The following BTBD1 variants were observed in gnomAD, a reference collection of about 807,000 sequenced individuals.
BTBD1 encodes the protein BTB domain containing 1.
BTBD1 carries 34 observed loss-of-function variants against 48.0 expected under a neutral mutation model. The observed-to-expected ratio is 0.71, with a 90% CI of 0.54 to 0.94. BTBD1 has a LOEUF of 0.94. Ranked by LOEUF, BTBD1 falls within the 40% of genes least tolerant of loss-of-function variation. The pLI is 0.00. For synonymous variants in BTBD1, 261 were observed against 242.1 expected (o/e 1.08, Z -0.72); for missense variants, 543 against 625.6 (o/e 0.87, Z 1.41).
chr15:83,051,766 T>C (rs2032986687), intron 2 of BTBD1, among the ~76,000 whole-genome samples: 1 of 151,986 alleles, frequency 6.6e-6, no homozygotes, highest in Non-Finnish European at 1.5e-5. Context: ...ATTTCAAATT[T>C]ATAGAAAAGT....
At chr15:83,033,854 AG>A (rs1262756970) in intron 4 of BTBD1, among the ~76,000 whole-genome samples, 2 of 152,162 alleles carry the variant, frequency 1.3e-5, no homozygotes, top group Admixed American at 6.5e-5. Context: ...CTGGGACTAA[AG>A]GCATGAGCCA....
chr15:83,065,186 G>T (rs2033243585), intron 1 of BTBD1, among the ~76,000 whole-genome samples: 1 of 152,174 alleles, frequency 6.6e-6, no homozygotes. Flanking sequence ...TATGCAATTT[G>T]CAATACTTGA....
In BTBD1 at chr15:83,026,015, C is replaced by T. The variant is rs527511528; in HGVS notation, c.1055+4121G>A. ...CGATCTCTTGACCTTGTGATCCGCCCGCCTCAGCCTCCCAAAGTGCTGGGA... is the reference window on the plus strand; with the variant it reads ...CGATCTCTTGACCTTGTGATCCGCCTGCCTCAGCCTCCCAAAGTGCTGGGA... On this transcript the variant is annotated intron_variant, in intron 5 of 7. Coordinates refer to ENST00000261721, the MANE Select transcript of BTBD1 (RefSeq NM_025238.4). 2.4e-4 allele frequency among the ~76,000 whole-genome samples: 37 copies of T among 152,138 alleles called. No homozygotes were observed. In the East Asian group the frequency reaches 7.0e-3, roughly 29 times the overall value.
chr15:83,062,818 CTCG>C (rs1349232128), intron 1 of BTBD1, among the ~76,000 whole-genome samples: 1 of 152,120 alleles, frequency 6.6e-6, no homozygotes, highest in Non-Finnish European at 1.5e-5. Context: ...GAACACTTAC[CTCG>C]TGCCCCTTCC....
At chr15:83,063,701 A>G (rs2033212232) in intron 1 of BTBD1, among the ~76,000 whole-genome samples, 1 of 152,142 alleles carries the variant, frequency 6.6e-6, no homozygotes, top group Admixed American at 6.5e-5. Flanking sequence ...CAGTCTCTAA[A>G]GCCCTGCACC....
rs1227321078 is a variant in BTBD1 at position 83,066,784 on chromosome 15, TC to T, written c.367del (p.Asp123ThrfsTer11). On this transcript the variant is annotated frameshift_variant, in exon 1 of 8. Coordinates refer to ENST00000261721, the MANE Select transcript of BTBD1 (RefSeq NM_025238.4). LOFTEE classifies it high-confidence loss of function. ...ATTSAEIELP[D>X]VEPAAFLALL... ...CGCCAGGAAGGCTGCGGGCTCCACGTCCGGCAGCTCGATCTCGGCCGACGTG... is the reference window on the plus strand; with the variant it reads ...CGCCAGGAAGGCTGCGGGCTCCACGTCGGCAGCTCGATCTCGGCCGACGTG... 7.0e-7 allele frequency: 1 copy of T among 1,432,074 alleles called. No homozygotes were observed. The highest frequency in any genetic ancestry group is 9.1e-7 in the Non-Finnish European group (1 of 1,097,522). The allele number at this position is 1,432,074 out of a possible 1,614,324, so 88.7% of individuals were successfully genotyped here.
intron 3 of BTBD1, chr15:83,044,717 G>A: frequency 6.8e-7 from 1 of 1,465,320 alleles, no homozygotes; most frequent in Non-Finnish European, 9.4e-7. Flanking sequence ...AATTAGTGGT[G>A]TACTGTGTCA....
chr15:83,054,555 C>T (rs2033048884), intron 2 of BTBD1, among the ~76,000 whole-genome samples: 1 of 145,792 alleles, frequency 6.9e-6, no homozygotes, highest in Admixed American at 7.0e-5. Context: ...AGGTACCAAA[C>T]ATTTTTTCTT....
At chr15:83,025,275 T>C (rs886186663) in intron 5 of BTBD1, among the ~76,000 whole-genome samples, 5 of 147,418 alleles carry the variant, frequency 3.4e-5, no homozygotes, top group African/African-American at 1.3e-4. Flanking sequence ...GAATAATTAC[T>C]TGAACTCAGG....
chr15:83,038,477 A>G (rs1379909059), intron 4 of BTBD1, among the ~76,000 whole-genome samples: 1 of 152,178 alleles, frequency 6.6e-6, no homozygotes, highest in Admixed American at 6.5e-5. Context: ...ATATTGCCCA[A>G]AGCAATCTAC....
In BTBD1 at chr15:83,018,145, G is replaced by GA; in HGVS notation, c.1370dup (p.Phe458LeufsTer3). 3.1e-6 allele frequency: 5 copies of GA among 1,611,970 alleles called. No individual in the cohort carries two copies. Among genetic ancestry groups the GA allele is most frequent in the Non-Finnish European group, 4.2e-6 (5 of 1,179,070 alleles). On this transcript the variant is annotated frameshift_variant, in exon 8 of 8. Coordinates refer to ENST00000261721, the MANE Select transcript of BTBD1 (RefSeq NM_025238.4). LOFTEE classifies it high-confidence loss of function. ...TATTATTGCCAGGGGAACTAAAAAA[G>GA]AAAAAAACAGTCTTGCTTGCAGCAG...
At position 83,030,230 on chromosome 15, in the gene BTBD1, G is replaced by A; in HGVS notation, c.961C>T (p.Pro321Ser). The A allele has an allele frequency of 6.2e-7, 1 of 1,613,928 alleles. No individual in the cohort carries two copies. Among genetic ancestry groups the A allele is most frequent in the Admixed American group, 1.7e-5 (1 of 59,986 alleles). Residue 321 changes from proline (P) to serine (S), a missense_variant, in exon 5 of 8, where the codon CCA (proline) becomes TCA (serine). Pro to Ser is a moderately conservative substitution (Grantham distance 74). This residue lies in a region of BTBD1 where 300 missense variants were observed against 350.0 expected (regional missense o/e 0.86). Transcript: ENST00000261721. ...TCCTTTCCCCTGAGACAGCATCTTG[G>A]TCGGTCAATGTATTCAACTCGGGGT... ...PKPRVEYIDRPRCCLRGKECC... is the reference protein window; with the variant it reads ...PKPRVEYIDRSRCCLRGKECC...
intron 1 of BTBD1, among the ~76,000 whole-genome samples, chr15:83,060,565 A>T (rs2033160305): frequency 6.6e-6 from 1 of 152,024 alleles, no homozygotes; most frequent in Non-Finnish European, 1.5e-5. Context: ...AGGCCGAGGC[A>T]GGCGGATCAC....
intron 6 of BTBD1, chr15:83,019,969 C>CAAAAAAAAAAAAAAAA (rs71156066): frequency 2.3e-5 from 1 of 42,820 alleles, no homozygotes; most frequent in African/African-American, 1.0e-4. Context: ...GACTCCATCT[C>CAAAAAAAAAAAAAAAA]AAAAAAAAAA....
intron 2 of BTBD1, among the ~76,000 whole-genome samples, chr15:83,051,877 T>TAC (rs113253261): frequency 6.9e-4 from 96 of 138,898 alleles, no homozygotes; most frequent in Middle Eastern, 3.7e-3. Context: ...TCCATATATA[T>TAC]ACACACACAC....
chr15:83,052,821 T>TTC (rs1354853034), intron 2 of BTBD1, among the ~76,000 whole-genome samples: 1 of 146,094 alleles, frequency 6.8e-6, no homozygotes, highest in Non-Finnish European at 1.5e-5. Flanking sequence ...TTTTTTTTTT[T>TTC]AGTAGAGACG....
In BTBD1 at chr15:83,067,045, G is replaced by C. The variant is rs2033292763; in HGVS notation, c.107C>G (p.Pro36Arg). Residue 36 changes from proline (P) to arginine (R), a missense_variant, in exon 1 of 8, where the codon CCC (proline) becomes CGC (arginine). Physicochemically the swap from Pro to Arg is moderately radical, Grantham distance 103 (BLOSUM62 -2). This residue lies in a region of BTBD1 where 173 missense variants were observed against 163.9 expected (regional missense o/e 1.06). Transcript: ENST00000261721. Reference sequence around the variant, plus strand: ...AGGTTCCCGCTGCAGGGGGAGCAGGGGCCCCAGAGAGGACGGTGAGGGCGG... The same window carrying C: ...AGGTTCCCGCTGCAGGGGGAGCAGGCGCCCCAGAGAGGACGGTGAGGGCGG... ...PPPPSPSSLG[P>R]LLPLQREPLY... is the part of the protein sequence containing the mutation. The C allele has an allele frequency of 2.5e-6, 4 of 1,580,774 alleles. No homozygotes were observed. The highest frequency in any genetic ancestry group is 1.7e-4 in the Middle Eastern group (1 of 5,946).
At chr15:83,019,830 C>T (rs1370692195) in intron 6 of BTBD1, among the ~76,000 whole-genome samples, 1 of 151,132 alleles carries the variant, frequency 6.6e-6, no homozygotes, top group South Asian at 2.2e-4. Flanking sequence ...CTCCTGACCT[C>T]GTGATCCACC....
At chr15:83,044,590 C>T in intron 3 of BTBD1, 3 of 1,595,576 alleles carry the variant, frequency 1.9e-6, no homozygotes, top group Non-Finnish European at 8.6e-7. Flanking sequence ...TTTGAAGAAA[C>T]CACAGCTGAT....
Sources: allele counts gnomAD v4.1 joint callset (sites outside exome capture counted in the v4.1 genomes callset), GRCh38; gene constraint gnomAD v4.1.1; regional missense constraint gnomAD v4.1.1; transcripts MANE v1.5; gene names NCBI Gene and HGNC (gene_info 2026-07-23, HGNC 2026-07-21).